CLUL1: variants seen among roughly 807,000 people sequenced by gnomAD.
The protein encoded by CLUL1 is clusterin like 1.
CLUL1 carries 43 observed loss-of-function variants against 49.4 expected under a neutral mutation model. The ratio of observed to expected loss-of-function variants is 0.87; its 90% CI spans 0.68 to 1.12. CLUL1 has a LOEUF of 1.12. CLUL1 is among the 50% of genes most tolerant of loss of function. The pLI is 0.00. For synonymous variants in CLUL1, 192 were observed against 184.9 expected, an observed-to-expected ratio of 1.04 and a Z score of -0.31; for missense variants, 486 against 544.4, an observed-to-expected ratio of 0.89 and a Z score of 1.07.
At chr18:634,277 G>GCC (rs1413618425) in intron 7 of CLUL1, among the ~76,000 whole-genome samples, 4 of 152,028 alleles carry the variant, frequency 2.6e-5, no homozygotes, top group Non-Finnish European at 5.9e-5. Context: ...TTACAGGCAT[G>GCC]TGCCACCACG....
intron 5 of CLUL1, among the ~76,000 whole-genome samples, 184 bp from the exon 6 acceptor site, chr18:626,913 A>G (rs370784005): frequency 0.1 from 96 of 964 alleles, 9 homozygotes; most frequent in East Asian, 0.25. Context: ...GAAAGAAAGA[A>G]AGAAAGAAAG....
In CLUL1 at chr18:627,096, G is replaced by C. The variant is rs1203791792; in HGVS notation, c.424-1G>C. ...TTTCTGTCCCCTACTCTACTCCACA[G>C]ATTGAACGGTTTTTCAGGAAGATAT... is the stretch of plus-strand genomic sequence containing the variant. On this transcript the variant is annotated splice_acceptor_variant, in intron 5 of 9. Coordinates refer to ENST00000692774, the MANE Select transcript of CLUL1 (RefSeq NM_001393344.1). LOFTEE classifies it high-confidence loss of function. 1 of 1,602,220 alleles carries C rather than the reference G, an allele frequency of 6.2e-7. No individual in the cohort carries two copies. Among genetic ancestry groups the C allele is most frequent in the Admixed American group, 1.7e-5 (1 of 59,784 alleles).
intron 2 of CLUL1, chr18:613,015 A>C: frequency 3.3e-6 from 1 of 298,874 alleles, no homozygotes; most frequent in Non-Finnish European, 6.1e-6. Context: ...CTTCATGATG[A>C]TGGTGAAGTG....
chr18:601,152 A>C (rs922110219), intron 1 of CLUL1, among the ~76,000 whole-genome samples: 3 of 152,192 alleles, frequency 2.0e-5, no homozygotes, highest in African/African-American at 7.2e-5. Flanking sequence ...GATATTGTTC[A>C]ACTGATAGAT....
At chr18:649,826 G>GA (rs2074625212) in intron 9 of CLUL1, 72 bp from the exon 10 acceptor site, 6 of 1,040,348 alleles carry the variant, frequency 5.8e-6, no homozygotes, top group South Asian at 4.4e-5. Context: ...TTTACTCCAA[G>GA]AAAAAATACA....
chr18:645,052 T>C lies in CLUL1; in HGVS notation c.1352T>C (p.Val451Ala), dbSNP rs1343976724. Residue 451 changes from valine to alanine, a missense_variant, in exon 9 of 10, where the codon GTA (valine) becomes GCA (alanine). Transcript: ENST00000692774. ...SAESSNFIGY[V>A]VAKALQHFKE... ...GAGAGTTCTAACTTCATTGGCTACG[T>C]AGTGGCAAAAGCTCTACAGCATTTT... is the stretch of plus-strand genomic sequence containing the variant. 1.9e-6 allele frequency: 3 copies of C among 1,611,566 alleles called. No homozygotes were observed. The East Asian group carries it at 6.7e-5, about 36-fold the overall frequency.
chr18:627,085 T>G lies in CLUL1; in HGVS notation c.424-12T>G. The G allele has an allele frequency of 6.4e-7, 1 of 1,568,044 alleles. No homozygotes were observed. The highest frequency in any genetic ancestry group is 8.8e-7 in the Non-Finnish European group (1 of 1,142,416). On this transcript the variant is annotated splice_polypyrimidine_tract_variant and intron_variant, in intron 5 of 9. Transcript: ENST00000692774. ...TTTTTATTCCATTTCTGTCCCCTAC[T>G]CTACTCCACAGATTGAACGGTTTTT...
chr18:600,606 T>A (rs912376147), intron 1 of CLUL1, among the ~76,000 whole-genome samples: 30 of 152,340 alleles, frequency 2.0e-4, no homozygotes, highest in African/African-American at 7.2e-4. Context: ...AGGCTTATTA[T>A]TTCTAGAAAT....
intron 2 of CLUL1, chr18:614,609 A>G (rs2073239023): frequency 6.6e-6 from 1 of 152,200 alleles, no homozygotes; most frequent in Non-Finnish European, 1.5e-5. Flanking sequence ...TGCAAAGCAG[A>G]GTGCTATTTG....
chr18:615,419 C>T (rs1348733350), intron 2 of CLUL1, among the ~76,000 whole-genome samples: 1 of 152,166 alleles, frequency 6.6e-6, no homozygotes, highest in Non-Finnish European at 1.5e-5. Context: ...GGTTTTGCTT[C>T]CTGAAAACTG....
chr18:645,808 AAAATATATATATATATAT>A lies in CLUL1; in HGVS notation c.1397+713_1397+730del, dbSNP rs1201590704. Reference sequence around the variant, plus strand: ...GACTCTGTTTAAAAAAAAAAAAAAAAAAATATATATATATATATATATATATATATATATATATATATA... The same window carrying A: ...GACTCTGTTTAAAAAAAAAAAAAAAAATATATATATATATATATATATATA... On this transcript the variant is annotated intron_variant, in intron 9 of 9. Transcript: ENST00000692774. 2.2e-3 allele frequency among the ~76,000 whole-genome samples: 125 copies of A among 56,914 alleles called. 9 individuals are homozygous for A. The highest frequency in any genetic ancestry group is 3.4e-3 in the Non-Finnish European group (103 of 30,408). The allele number at this position is 56,914 out of a possible 152,430, so 37.3% of individuals were successfully genotyped here. A position where few individuals can be genotyped will look rare whatever the true frequency, so the allele number is the denominator to read the frequency against.
Position 619,330 on chromosome 18 carries a change from G to A in CLUL1, c.224G>A (p.Ser75Asn), listed in dbSNP as rs1477028392. Reference sequence around the variant, plus strand: ...GAGAAGGAACACACCAATCTAATGAGCACCCTGAAGAAATGCAGAGAAGAA... The same window carrying A: ...GAGAAGGAACACACCAATCTAATGAACACCCTGAAGAAATGCAGAGAAGAA... ...RKEKEHTNLM[S>N]TLKKCREEKQ... The change falls in exon 4 of 10, where the codon AGC becomes AAC. Residue 75 changes from serine to asparagine, a missense_variant. Coordinates refer to ENST00000692774, the MANE Select transcript of CLUL1 (RefSeq NM_001393344.1). The A allele has an allele frequency of 6.2e-7, 1 of 1,613,452 alleles. No individual in the cohort carries two copies. Among genetic ancestry groups the A allele is most frequent in the Non-Finnish European group, 8.5e-7 (1 of 1,179,728 alleles).
chr18:620,364 GT>G (rs879810757), intron 4 of CLUL1, among the ~76,000 whole-genome samples: 147 of 143,884 alleles, frequency 1.0e-3, no homozygotes, highest in East Asian at 5.1e-3. Context: ...AATCTGCCAA[GT>G]TTTTTTTTTT....
At chr18:600,082 AGATG>A (rs1167858239) in intron 1 of CLUL1, among the ~76,000 whole-genome samples, 1 of 152,226 alleles carries the variant, frequency 6.6e-6, no homozygotes, top group East Asian at 1.9e-4. Context: ...AACTGTTGTT[AGATG>A]GATGATCACT....
chr18:613,159 A>T, intron 2 of CLUL1: 1 of 440,902 alleles, frequency 2.3e-6, no homozygotes, highest in Non-Finnish European at 4.0e-6. Context: ...TTTTTTTGAG[A>T]TGGAGTCTTG....
intron 2 of CLUL1, chr18:614,503 T>A (rs1379357102): frequency 2.0e-5 from 3 of 152,232 alleles, no homozygotes; most frequent in African/African-American, 4.8e-5. Flanking sequence ...TCAACTTTTT[T>A]TCAGTGGGCC....
chr18:638,785 A>T (rs2074236093), intron 7 of CLUL1, among the ~76,000 whole-genome samples: 1 of 151,878 alleles, frequency 6.6e-6, no homozygotes. Context: ...TTGAAACCAG[A>T]AGCCGGAGGT....
At chr18:611,535 A>ACTGCACTCTAGCC (rs2073135507) in intron 2 of CLUL1, among the ~76,000 whole-genome samples, 2 of 152,120 alleles carry the variant, frequency 1.3e-5, no homozygotes, top group African/African-American at 4.8e-5. Context: ...GTGAATAGCC[A>ACTGCACTCTAGCC]CTGCACTCTA....
intron 9 of CLUL1, among the ~76,000 whole-genome samples, chr18:648,013 A>T (rs1267237696): frequency 1.3e-5 from 2 of 152,206 alleles, no homozygotes; most frequent in Admixed American, 6.5e-5. Context: ...TAAATTAATT[A>T]ATAAACACGT....
Sources: gnomAD v4.1 joint callset for allele counts (sites outside exome capture counted in the v4.1 genomes callset) on GRCh38, gnomAD v4.1.1 for gene constraint, MANE v1.5 for transcripts, NCBI Gene and HGNC (gene_info 2026-07-23, HGNC 2026-07-21) for gene names.